SUGCT: variants seen among roughly 807,000 people sequenced by gnomAD.
The protein encoded by SUGCT is succinyl-CoA:glutarate CoA-transferase.
Under a neutral mutation model 55.0 loss-of-function variants are expected in SUGCT, and 41 were observed. That is an observed-to-expected ratio of 0.74 (90% CI 0.58 to 0.97). The LOEUF is 0.97. Among genes scored for constraint, SUGCT ranks in the 50% least tolerant of loss-of-function variants. The pLI is 0.00. For missense variants in SUGCT, 568 were observed against 547.8 expected, an observed-to-expected ratio of 1.04 and a Z score of -0.37; for synonymous variants, 187 against 200.4, an observed-to-expected ratio of 0.93 and a Z score of 0.56.
rs376163717 is a variant in SUGCT at position 40,215,021 on chromosome 7, T to C, written c.484+19961T>C. ...TGAGATCAGTCACATAGGCATTCCC[T>C]CTATGGAGAATGAGAGAAATAACTG... On this transcript the variant is annotated intron_variant, in intron 6 of 13. Coordinates refer to ENST00000335693, the MANE Select transcript of SUGCT (RefSeq NM_001193313.2). Among the ~76,000 whole-genome samples, 60 of 152,200 alleles carry C rather than the reference T, an allele frequency of 3.9e-4. 1 individual carries two copies. In the South Asian group the frequency reaches 0.012, roughly 31 times the overall value.
chr7:40,909,827 A>G, the SUGCT span, among the ~76,000 whole-genome samples: 1 of 152,148 alleles, frequency 6.6e-6, no homozygotes, highest in African/African-American at 2.4e-5. Context: ...ATTCATCTGT[A>G]CGAAATTCCT....
the SUGCT span, among the ~76,000 whole-genome samples, chr7:40,984,829 G>T: frequency 5.9e-5 from 9 of 152,116 alleles, no homozygotes; most frequent in Non-Finnish European, 1.0e-4. Context: ...CTGTAAGATT[G>T]TACTTCTCCC....
chr7:40,779,275 T>C (rs1467472727), intron 13 of SUGCT, among the ~76,000 whole-genome samples: 2 of 152,216 alleles, frequency 1.3e-5, no homozygotes, highest in Non-Finnish European at 2.9e-5. Context: ...AGAGCTGATA[T>C]CTTTCCTCTT....
chr7:40,517,624 G>A (rs1793311702), intron 12 of SUGCT, among the ~76,000 whole-genome samples: 1 of 152,052 alleles, frequency 6.6e-6, no homozygotes, highest in Non-Finnish European at 1.5e-5. Flanking sequence ...TATCTGTTAA[G>A]TGTGATATTT....
intron 9 of SUGCT, 60 bp from the exon 10 acceptor site, chr7:40,449,227 A>T: frequency 8.8e-7 from 1 of 1,133,848 alleles, no homozygotes; most frequent in Non-Finnish European, 1.3e-6. Context: ...TTTAGAAATT[A>T]AACTTTTGTG....
chr7:40,843,433 C>T (rs567847143), intron 13 of SUGCT, among the ~76,000 whole-genome samples: 11 of 148,264 alleles, frequency 7.4e-5, no homozygotes, highest in Non-Finnish European at 1.6e-4. Flanking sequence ...TTGCTTGAAC[C>T]AGGCAGTCAG....
intron 12 of SUGCT, among the ~76,000 whole-genome samples, chr7:40,663,407 G>A (rs372265359): frequency 6.7e-6 from 1 of 150,218 alleles, no homozygotes; most frequent in East Asian, 2.0e-4. Context: ...TCTTTCTCTC[G>A]TTGGTCTCCA....
intron 6 of SUGCT, among the ~76,000 whole-genome samples, chr7:40,213,265 C>T (rs1036483796): frequency 2.0e-5 from 3 of 152,166 alleles, no homozygotes; most frequent in Non-Finnish European, 2.9e-5. Flanking sequence ...ATACCTCCTT[C>T]GATTTCTCCA....
intron 6 of SUGCT, among the ~76,000 whole-genome samples, chr7:40,237,012 T>C (rs1789057287): frequency 1.3e-5 from 2 of 151,930 alleles, no homozygotes; most frequent in Admixed American, 1.3e-4. Flanking sequence ...TTTGTATTTT[T>C]AGTAGAGATG....
chr7:40,639,634 C>T (rs1464547021), intron 12 of SUGCT, among the ~76,000 whole-genome samples: 1 of 151,702 alleles, frequency 6.6e-6, no homozygotes, highest in Non-Finnish European at 1.5e-5. Flanking sequence ...CCTGCCTCAC[C>T]CTCCTGAGTA....
intron 7 of SUGCT, among the ~76,000 whole-genome samples, chr7:40,266,413 T>C (rs898116214): frequency 1.3e-5 from 2 of 151,892 alleles, no homozygotes; most frequent in African/African-American, 4.8e-5. Context: ...CCTCCCAAAG[T>C]GCTGGGATTA....
chr7:40,233,716 T>C (rs367928228), intron 6 of SUGCT, among the ~76,000 whole-genome samples: 31 of 152,342 alleles, frequency 2.0e-4, no homozygotes, highest in African/African-American at 6.7e-4. Flanking sequence ...ATTTATACAT[T>C]GATTAATGCA....
At chr7:40,902,053 G>C in the SUGCT span, among the ~76,000 whole-genome samples, 13 of 152,106 alleles carry the variant, frequency 8.5e-5, no homozygotes, top group Admixed American at 6.5e-4. Flanking sequence ...CTCAGAATTC[G>C]AGCACGTGAG....
At chr7:41,031,304 A>G in the SUGCT span, among the ~76,000 whole-genome samples, 1 of 152,190 alleles carries the variant, frequency 6.6e-6, no homozygotes. Context: ...TGAGGATGCT[A>G]GCAATATGGT....
intron 13 of SUGCT, 77 bp from the exon 14 acceptor site, chr7:40,860,239 C>T: frequency 3.2e-6 from 5 of 1,574,860 alleles, no homozygotes; most frequent in South Asian, 1.1e-5. Flanking sequence ...TCATGGAAAA[C>T]ACCCCAGGCT....
the SUGCT span, among the ~76,000 whole-genome samples, chr7:40,865,953 T>A: frequency 6.6e-6 from 1 of 152,172 alleles, no homozygotes; most frequent in Non-Finnish European, 1.5e-5. Context: ...CCTCCCTTTC[T>A]CTTTCTTTGC....
At chr7:40,480,151 G>A (rs75050655) in intron 11 of SUGCT, among the ~76,000 whole-genome samples, 1,581 of 152,128 alleles carry the variant, frequency 0.01, 34 homozygotes, top group African/African-American at 0.035. Context: ...ATCGTTTTAT[G>A]TCTTATGTTT....
At chr7:40,379,515 CT>C (rs371887630) in intron 9 of SUGCT, among the ~76,000 whole-genome samples, 36 of 152,244 alleles carry the variant, frequency 2.4e-4, no homozygotes, top group African/African-American at 7.9e-4. Flanking sequence ...TATGCTGGCT[CT>C]TTTTTTAGGA....
chr7:40,248,142 G>A (rs1291382214), intron 7 of SUGCT, among the ~76,000 whole-genome samples: 2 of 151,620 alleles, frequency 1.3e-5, no homozygotes, highest in African/African-American at 4.8e-5. Flanking sequence ...CTCCCAAGTA[G>A]CTGGGATTAC....
Sources: gnomAD v4.1 joint callset for allele counts (sites outside exome capture counted in the v4.1 genomes callset) on GRCh38, gnomAD v4.1.1 for gene constraint, MANE v1.5 for transcripts, NCBI Gene and HGNC (gene_info 2026-07-23, HGNC 2026-07-21) for gene names.